The following ANKS1A variants were observed in gnomAD, a reference collection of about 807,000 sequenced individuals.
ANKS1A encodes ankyrin repeat and sterile alpha motif domain containing 1A.
Under a neutral mutation model 120.3 loss-of-function variants are expected in ANKS1A, and 55 were observed. The observed-to-expected ratio is 0.46, with a 90% CI of 0.37 to 0.57. The LOEUF is 0.57. Ranked by LOEUF, ANKS1A falls within the 20% of genes least tolerant of loss-of-function variation. ANKS1A has a pLI of 0.00. For missense variants in ANKS1A, 1,123 were observed against 1,480.3 expected (o/e 0.76, Z 3.96); for synonymous variants, 590 against 604.7 (o/e 0.98, Z 0.36).
At chr6:35,006,353 A>T (rs936871212) in intron 10 of ANKS1A, among the ~76,000 whole-genome samples, 1 of 152,032 alleles carries the variant, frequency 6.6e-6, no homozygotes, top group Non-Finnish European at 1.5e-5. Flanking sequence ...TACATTTTAA[A>T]ATAACTAAAA....
chr6:35,086,474 T>C lies in ANKS1A; in HGVS notation c.3304-478T>C. 1.3e-6 allele frequency: 1 copy of C among 742,984 alleles called. No homozygotes were observed. 46.0% of individuals were successfully genotyped at this position (742,984 alleles called of 1,614,324 possible). ...TCTGCCTGTGTGACATTCTTTCCCC[T>C]CTTCCTGAGATGCCCTCTGCCTGTT... On this transcript the variant is annotated intron_variant, in intron 22 of 23. Transcript: ENST00000360359. The surrounding 1 kb of genome is among the most constrained non-coding windows in gnomAD (Gnocchi z 5.1).
At position 35,086,330 on chromosome 6, in the gene ANKS1A, T is replaced by G; in HGVS notation, c.3303+394T>G. The G allele has an allele frequency of 7.7e-7, 1 of 1,302,066 alleles. No individual in the cohort carries two copies. Among genetic ancestry groups the G allele is most frequent in the Non-Finnish European group, 1.0e-6 (1 of 997,558 alleles). The allele number at this position is 1,302,066 out of a possible 1,614,324, so 80.7% of individuals were successfully genotyped here. A position where few individuals can be genotyped will look rare whatever the true frequency, so the allele number is the denominator to read the frequency against. On this transcript the variant is annotated intron_variant, in intron 22 of 23. Coordinates refer to ENST00000360359, the MANE Select transcript of ANKS1A (RefSeq NM_015245.3). This position sits in a 1 kb window ranked among gnomAD's most constrained non-coding sequence, Gnocchi z 5.1. ...TCACACCTGCACCACCCACCGTCCT[T>G]CCTACCTACCGCTGCCATCTGTTAG... is the stretch of plus-strand genomic sequence containing the variant.
intron 1 of ANKS1A, among the ~76,000 whole-genome samples, chr6:34,922,196 AT>A (rs554287076): frequency 5.4e-4 from 82 of 152,236 alleles, no homozygotes; most frequent in African/African-American, 1.9e-3. Context: ...CACTTATTAT[AT>A]TTTAAGCACT....
chr6:34,977,341 G>A (rs928939267), intron 3 of ANKS1A, among the ~76,000 whole-genome samples: 3 of 151,242 alleles, frequency 2.0e-5, no homozygotes, highest in Admixed American at 1.3e-4. Context: ...GATTATGATT[G>A]ATTGCTTAAG....
chr6:34,900,803 C>T (rs566703333), intron 1 of ANKS1A, among the ~76,000 whole-genome samples: 69 of 151,926 alleles, frequency 4.5e-4, no homozygotes, highest in African/African-American at 1.7e-3. Context: ...AACACAAAGT[C>T]CTTTGGGAAG....
intron 11 of ANKS1A, among the ~76,000 whole-genome samples, chr6:35,035,563 G>A (rs1775123757): frequency 6.6e-6 from 1 of 152,082 alleles, no homozygotes; most frequent in South Asian, 2.1e-4. Context: ...CTCTTGACAT[G>A]GCCATTGCTG....
In ANKS1A at chr6:34,955,007, G is replaced by A. The variant is rs184242965; in HGVS notation, c.198-12232G>A. On this transcript the variant is annotated intron_variant, in intron 1 of 23. Coordinates refer to ENST00000360359, the MANE Select transcript of ANKS1A (RefSeq NM_015245.3). ...GCTTTTAGTTACATCAGTATTAAAT[G>A]CTTATGTTTATGTTATTATGACTAT... Among the ~76,000 whole-genome samples the A allele has an allele frequency of 2.5e-3, 373 of 152,134 alleles. 1 individual carries two copies. The highest frequency in any genetic ancestry group is 2.3e-3 in the Non-Finnish European group (156 of 68,012).
downstream of ANKS1A, among the ~76,000 whole-genome samples, chr6:35,091,921 G>T (rs576021597): frequency 2.6e-5 from 4 of 152,342 alleles, no homozygotes; most frequent in Admixed American, 1.3e-4. Flanking sequence ...GCTGGTGGCA[G>T]GGAGAGGAAG....
At chr6:35,066,279 G>A (rs1776772459) in intron 13 of ANKS1A, among the ~76,000 whole-genome samples, 1 of 152,190 alleles carries the variant, frequency 6.6e-6, no homozygotes, top group South Asian at 2.1e-4. Context: ...TTTCTCTGCA[G>A]GCTGCAGAGG....
intron 11 of ANKS1A, among the ~76,000 whole-genome samples, chr6:35,031,048 A>G (rs1479857241): frequency 1.2e-4 from 19 of 152,168 alleles, no homozygotes; most frequent in Non-Finnish European, 8.8e-5. Context: ...CTGAAAACTT[A>G]AGGGTTCAAT....
chr6:35,048,119 C>A (rs1025409628), intron 11 of ANKS1A, among the ~76,000 whole-genome samples: 1 of 152,206 alleles, frequency 6.6e-6, no homozygotes, highest in East Asian at 1.9e-4. Flanking sequence ...CTCTCTCCAC[C>A]AGCCTAGCCT....
chr6:35,046,856 T>C (rs1387519214), intron 11 of ANKS1A, among the ~76,000 whole-genome samples: 1 of 152,250 alleles, frequency 6.6e-6, no homozygotes, highest in African/African-American at 2.4e-5. Context: ...CCCAAATTCC[T>C]ATCAAGATAC....
chr6:34,991,519 T>C (rs1177241728), intron 9 of ANKS1A, among the ~76,000 whole-genome samples: 1 of 142,300 alleles, frequency 7.0e-6, no homozygotes, highest in Non-Finnish European at 1.5e-5. Context: ...GCTTTCCACA[T>C]AGCCGGGAAA....
chr6:34,979,495 G>A (rs1225233342), intron 3 of ANKS1A, among the ~76,000 whole-genome samples: 2 of 152,206 alleles, frequency 1.3e-5, no homozygotes, highest in African/African-American at 4.8e-5. Context: ...CAGGAAATTT[G>A]CCAGTAGTGA....
In ANKS1A at chr6:35,079,616, G is replaced by T; in HGVS notation, c.2384G>T (p.Gly795Val). 6.2e-7 allele frequency: 1 copy of T among 1,614,162 alleles called. No individual in the cohort carries two copies. Among genetic ancestry groups the T allele is most frequent in the East Asian group, 2.2e-5 (1 of 44,870 alleles). The change falls in exon 15 of 24, where the codon GGT becomes GTT. Residue 795 changes from glycine (G) to valine (V), a missense_variant. This residue lies in a region of ANKS1A where 904 missense variants were observed against 1,130.4 expected (regional missense o/e 0.80). Coordinates refer to ENST00000360359, the MANE Select transcript of ANKS1A (RefSeq NM_015245.3). ...TACGTCCATTCCTTCTTGTCAAGTG[G>T]TTACAGCTCCATTGACACCGTGAAG... Reference protein sequence around the residue: ...QDYVHSFLSSGYSSIDTVKNL... With the variant: ...QDYVHSFLSSVYSSIDTVKNL...
At chr6:35,077,504 G>A (rs2820226) in intron 13 of ANKS1A, among the ~76,000 whole-genome samples, 54,500 of 152,196 alleles carry the variant, frequency 0.36, 12,335 homozygotes, top group Middle Eastern at 0.49. Context: ...TGTGCCCAGC[G>A]GGGCTCTGGG....
downstream of ANKS1A, among the ~76,000 whole-genome samples, chr6:35,095,675 C>G (rs536325381): frequency 7.2e-6 from 1 of 139,408 alleles, no homozygotes; most frequent in Non-Finnish European, 1.5e-5. Flanking sequence ...GCTGGAGAGA[C>G]AGTTCTCATG....
chr6:35,001,039 T>TA (rs1420003949), intron 10 of ANKS1A, among the ~76,000 whole-genome samples: 1 of 152,194 alleles, frequency 6.6e-6, no homozygotes, highest in Non-Finnish European at 1.5e-5. Flanking sequence ...AAAGAGTCTA[T>TA]AAAAACTTAC....
chr6:34,994,091 TGTATTCTA>T (rs1016360255), intron 9 of ANKS1A, among the ~76,000 whole-genome samples: 1 of 151,940 alleles, frequency 6.6e-6, no homozygotes, highest in Non-Finnish European at 1.5e-5. Flanking sequence ...CAGAAAGGGG[TGTATTCTA>T]ATCAAAGGCC....
Sources: gnomAD v4.1 joint callset for allele counts (sites outside exome capture counted in the v4.1 genomes callset) on GRCh38, gnomAD v4.1.1 for gene constraint, gnomAD v4.1.1 regional missense constraint, Gnocchi (gnomAD v3.1) non-coding constraint, MANE v1.5 for transcripts, NCBI Gene and HGNC (gene_info 2026-07-23, HGNC 2026-07-21) for gene names.